The following CDKL4 variants were observed in gnomAD, a reference collection of about 807,000 sequenced individuals.
CDKL4 encodes cyclin dependent kinase like 4.
Under a neutral mutation model 42.0 loss-of-function variants are expected in CDKL4, and 44 were observed. That is an observed-to-expected ratio of 1.05 (90% CI 0.82 to 1.35). The LOEUF is 1.35. CDKL4 is among the 40% of genes most tolerant of loss of function. The pLI is 0.00. For synonymous variants in CDKL4, 120 were observed against 121.6 expected, an observed-to-expected ratio of 0.99 and a Z score of 0.09; for missense variants, 393 against 369.9, an observed-to-expected ratio of 1.06 and a Z score of -0.51.
At chr2:39,199,642 G>A (rs1474535730) in intron 5 of CDKL4, among the ~76,000 whole-genome samples, 1 of 152,106 alleles carries the variant, frequency 6.6e-6, no homozygotes, top group Non-Finnish European at 1.5e-5. Flanking sequence ...AATCCACCAT[G>A]ATCAAGTGGA....
chr2:39,229,502 C>G, exon 2 of CDKL4: 1 of 1,608,070 alleles, frequency 6.2e-7, no homozygotes, highest in African/African-American at 1.3e-5. Flanking sequence ...GACCCTTCTC[C>G]AGTCTTAGCT....
chr2:39,242,449 G>A (rs930691578), intron 1 of CDKL4, among the ~76,000 whole-genome samples: 7 of 152,216 alleles, frequency 4.6e-5, no homozygotes, highest in Non-Finnish European at 4.4e-5. Flanking sequence ...TGACTCTCAA[G>A]TTAAAGTTCT....
At chr2:39,186,088 G>T (rs1675815465) in intron 7 of CDKL4, among the ~76,000 whole-genome samples, 1 of 152,024 alleles carries the variant, frequency 6.6e-6, no homozygotes, top group Non-Finnish European at 1.5e-5. Flanking sequence ...GATAATGGTG[G>T]GAAACTTAAG....
intron 4 of CDKL4, among the ~76,000 whole-genome samples, chr2:39,205,265 C>T (rs897714715): frequency 6.6e-6 from 1 of 152,040 alleles, no homozygotes; most frequent in Non-Finnish European, 1.5e-5. Context: ...CTATTTAAAC[C>T]GTAAGAGGTA....
At chr2:39,230,256 G>A (rs1034159635) in intron 1 of CDKL4, among the ~76,000 whole-genome samples, 1 of 152,214 alleles carries the variant, frequency 6.6e-6, no homozygotes, top group Admixed American at 6.5e-5. Flanking sequence ...GCACATGCCT[G>A]TAATCCCAGC....
chr2:39,199,952 A>C (rs1312559796), intron 5 of CDKL4, among the ~76,000 whole-genome samples: 1 of 152,120 alleles, frequency 6.6e-6, no homozygotes, highest in East Asian at 1.9e-4. Flanking sequence ...CACTTTCACC[A>C]CTTCTATTCA....
chr2:39,238,766 G>A (rs1558589484), intron 1 of CDKL4, among the ~76,000 whole-genome samples: 1 of 150,402 alleles, frequency 6.6e-6, no homozygotes, highest in Non-Finnish European at 1.5e-5. Context: ...TTATTTTATT[G>A]TTTAAGATAG....
In CDKL4 at chr2:39,179,114, A is replaced by T. The variant is rs367643033; in HGVS notation, c.927+73T>A. On this transcript the variant is annotated intron_variant, in intron 9 of 9. Transcript: ENST00000451199. ...AAGGTCTTGGTGTCCACCTTGTCTC[A>T]CTTTGAAAGGCAGACAAACAAAAAC... 37 of 1,553,348 alleles carry T rather than the reference A, an allele frequency of 2.4e-5. No individual in the cohort carries two copies. The African/African-American group carries it at 5.0e-4, about 21-fold the overall frequency.
chr2:39,178,718 G>C (rs1218385851), intron 9 of CDKL4: 1 of 1,609,050 alleles, frequency 6.2e-7, no homozygotes, highest in East Asian at 2.2e-5. Context: ...GGCAGATCTT[G>C]GTTTTGAGAA....
chr2:39,206,842 A>T (rs1458799698), intron 4 of CDKL4, among the ~76,000 whole-genome samples: 2 of 152,224 alleles, frequency 1.3e-5, no homozygotes, highest in Non-Finnish European at 2.9e-5. Flanking sequence ...CTATGCTGTC[A>T]GGCCCTTTAA....
chr2:39,218,868 T>C (rs974083557), intron 3 of CDKL4, among the ~76,000 whole-genome samples: 1 of 152,156 alleles, frequency 6.6e-6, no homozygotes, highest in Non-Finnish European at 1.5e-5. Context: ...TCTCCCTCCA[T>C]AATCACATGA....
At chr2:39,243,599 C>T (rs1679771149) in intron 1 of CDKL4, among the ~76,000 whole-genome samples, 2 of 152,364 alleles carry the variant, frequency 1.3e-5, no homozygotes, top group South Asian at 4.1e-4. Context: ...ATAGGTAGGC[C>T]TCCGCCTTGC....
intron 5 of CDKL4, 88 bp downstream of exon 5, chr2:39,204,439 C>A: frequency 1.3e-6 from 1 of 785,494 alleles, no homozygotes. Flanking sequence ...CAATATTTGG[C>A]ATATGTCCAA....
intron 1 of CDKL4, among the ~76,000 whole-genome samples, chr2:39,238,957 G>T (rs11891621): frequency 0.029 from 4,405 of 152,188 alleles, 197 homozygotes; most frequent in African/African-American, 0.1. Flanking sequence ...TCACCATGTT[G>T]GCCAGGCTGA....
chr2:39,208,425 C>G (rs1677348094), intron 4 of CDKL4, among the ~76,000 whole-genome samples: 1 of 151,658 alleles, frequency 6.6e-6, no homozygotes, highest in South Asian at 2.1e-4. Flanking sequence ...ACTGCAACCT[C>G]TGCCTCCTGG....
At chr2:39,199,764 A>G (rs1248927874) in intron 5 of CDKL4, among the ~76,000 whole-genome samples, 1 of 152,208 alleles carries the variant, frequency 6.6e-6, no homozygotes, top group Non-Finnish European at 1.5e-5. Context: ...AGATGCAGAA[A>G]AAGCACTTGA....
At chr2:39,186,725 C>G (rs891237887) in intron 7 of CDKL4, among the ~76,000 whole-genome samples, 3 of 151,462 alleles carry the variant, frequency 2.0e-5, no homozygotes, top group African/African-American at 7.3e-5. Flanking sequence ...CTTTGTTTTA[C>G]AAGCCGAAAA....
At chr2:39,217,836 C>T (rs1212921243) in intron 3 of CDKL4, among the ~76,000 whole-genome samples, 1 of 152,066 alleles carries the variant, frequency 6.6e-6, no homozygotes, top group Non-Finnish European at 1.5e-5. Context: ...TGGGTTCAAG[C>T]GATTCTCCTG....
intron 8 of CDKL4, among the ~76,000 whole-genome samples, chr2:39,184,153 T>C (rs1675594874): frequency 6.6e-6 from 1 of 152,358 alleles, no homozygotes; most frequent in East Asian, 1.9e-4. Context: ...CTTAATTGAT[T>C]GTCAAAGGTA....
Sources: gnomAD v4.1 joint callset for allele counts (sites outside exome capture counted in the v4.1 genomes callset) on GRCh38, gnomAD v4.1.1 for gene constraint, MANE v1.5 for transcripts, NCBI Gene and HGNC (gene_info 2026-07-23, HGNC 2026-07-21) for gene names.